Variants in CDC73 observed in about 807,000 individuals in gnomAD.
The protein encoded by CDC73 is parafibromin.
In CDC73, 21 loss-of-function variants were observed where a neutral mutation model predicts 83.7. That is an observed-to-expected ratio of 0.25 (90% CI 0.18 to 0.36). The LOEUF (loss-of-function observed/expected upper bound fraction) is 0.36. Ranked by LOEUF, CDC73 falls within the 10% of genes least tolerant of loss-of-function variation. CDC73 has a pLI of 1.00. For missense variants in CDC73, 342 were observed against 653.3 expected, an observed-to-expected ratio of 0.52 and a Z score of 5.19; for synonymous variants, 224 against 212.9, an observed-to-expected ratio of 1.05 and a Z score of -0.45.
chr1:193,175,159 G>A (rs1676580250), intron 10 of CDC73, among the ~76,000 whole-genome samples: 1 of 152,160 alleles, frequency 6.6e-6, no homozygotes, highest in Non-Finnish European at 1.5e-5. Context: ...AGTACCTTGA[G>A]AAGCCATTGA....
chr1:193,146,730 A>C (rs1463135252), intron 7 of CDC73, among the ~76,000 whole-genome samples: 2 of 152,242 alleles, frequency 1.3e-5, no homozygotes, highest in Admixed American at 1.3e-4. Flanking sequence ...TGAAGGAAGA[A>C]TATTTCATGA....
rs558422699 is a variant in CDC73, at chr1:193,232,585, T to C, written c.1155-408T>C. On this transcript the variant is annotated intron_variant, in intron 13 of 16. Transcript: ENST00000367435. ...AGGTTTATTTAAAAACAAACATCTT[T>C]AGTTTAAAACTAATTAATGTTTAAA... Among the ~76,000 whole-genome samples, 8 of 152,292 alleles carry C rather than the reference T, an allele frequency of 5.3e-5. No individual in the cohort carries two copies. The East Asian group carries it at 1.4e-3, about 26-fold the overall frequency.
In CDC73 at chr1:193,203,996, C is replaced by T. The variant is rs910666069; in HGVS notation, c.1030+144C>T. ...CATGTTTCTTTGAAGACTGTCGATA[C>T]TGTTTAAGCAGATCTCAAAACTGTG... On this transcript the variant is annotated intron_variant, in intron 11 of 16. Coordinates refer to ENST00000367435, the MANE Select transcript of CDC73 (RefSeq NM_024529.5). The T allele has an allele frequency of 1.6e-5, 11 of 700,568 alleles. No homozygotes were observed. The African/African-American group carries it at 1.8e-4, about 11-fold the overall frequency. 43.4% of individuals were successfully genotyped at this position (700,568 alleles called of 1,614,324 possible). A position where few individuals can be genotyped will look rare whatever the true frequency, so the allele number is the denominator to read the frequency against.
intron 10 of CDC73, among the ~76,000 whole-genome samples, chr1:193,171,923 CAG>C (rs1274989018): frequency 3.9e-5 from 6 of 152,028 alleles, no homozygotes; most frequent in African/African-American, 1.4e-4. Flanking sequence ...TAATGTTAAA[CAG>C]AGTTGATTTT....
At chr1:193,140,914 A>AT (rs1254857751) in intron 6 of CDC73, among the ~76,000 whole-genome samples, 1 of 152,212 alleles carries the variant, frequency 6.6e-6, no homozygotes, top group Non-Finnish European at 1.5e-5. Context: ...TGTGCTTTAG[A>AT]TTTTAAGGGA....
chr1:193,181,184 C>T (rs868287010), intron 10 of CDC73: 1 of 1,613,768 alleles, frequency 6.2e-7, no homozygotes, highest in Non-Finnish European at 8.5e-7. Flanking sequence ...TGTCCAGTAC[C>T]TTTTTCATTG....
At chr1:193,156,109 A>G (rs1370042953) in intron 10 of CDC73, among the ~76,000 whole-genome samples, 3 of 152,354 alleles carry the variant, frequency 2.0e-5, no homozygotes, top group Middle Eastern at 3.4e-3. Flanking sequence ...TGTATAGTAA[A>G]TAAGAGGATA....
rs1177977050 is a variant in CDC73, at chr1:193,254,689, T to C, written c.*3977T>C. On this transcript the variant is annotated 3_prime_UTR_variant, in exon 17 of 17. Transcript: ENST00000367435. ...ATGTGTTTTGGGTTTCTGTGTATTA[T>C]TTTAGGTAATCTTTATAAGGGCATC... Among the ~76,000 whole-genome samples the C allele has an allele frequency of 1.3e-5, 2 of 152,184 alleles. No individual in the cohort carries two copies. Among genetic ancestry groups the C allele is most frequent in the Non-Finnish European group, 2.9e-5 (2 of 68,012 alleles).
chr1:193,125,027 A>C (rs1272792763), intron 1 of CDC73, 85 bp from the exon 2 acceptor site: 1 of 768,638 alleles, frequency 1.3e-6, no homozygotes, highest in Non-Finnish European at 2.4e-6. Context: ...CATTGTTGTT[A>C]GCAAAGTTGT....
At chr1:193,123,335 C>T (rs12083074) in intron 1 of CDC73, among the ~76,000 whole-genome samples, 6 of 152,182 alleles carry the variant, frequency 3.9e-5, no homozygotes, top group African/African-American at 1.4e-4. Context: ...TCAAGTGATT[C>T]TCTTGCCTCA....
At chr1:193,149,943 T>C (rs1676076996) in intron 8 of CDC73, among the ~76,000 whole-genome samples, 3 of 152,308 alleles carry the variant, frequency 2.0e-5, no homozygotes, top group Admixed American at 2.0e-4. Context: ...TTTTTTGTTT[T>C]GTTAAAACAA....
intron 5 of CDC73, among the ~76,000 whole-genome samples, chr1:193,137,782 A>G (rs1243534288): frequency 6.6e-6 from 1 of 152,230 alleles, no homozygotes; most frequent in African/African-American, 2.4e-5. Context: ...AAAAAGATGA[A>G]TTTATTTGTT....
rs1269411417 is a variant in CDC73 at position 193,252,008 on chromosome 1, C to G, written c.*1296C>G. On this transcript the variant is annotated 3_prime_UTR_variant, in exon 17 of 17. Transcript: ENST00000367435. ...ATTTTTGGTGAACGTTTAGGCCTTT[C>G]ATAGGTATTAAGCTGACATTATCTA... is the stretch of plus-strand genomic sequence containing the variant. The G allele has an allele frequency of 4.3e-6, 1 of 231,454 alleles. No homozygotes were observed. The highest frequency in any genetic ancestry group is 8.6e-6 in the Non-Finnish European group (1 of 116,944). 14.3% of individuals were successfully genotyped at this position (231,454 alleles called of 1,614,324 possible). A position where few individuals can be genotyped will look rare whatever the true frequency, so the allele number is the denominator to read the frequency against.
At chr1:193,215,495 A>C (rs1422285018) in intron 13 of CDC73, among the ~76,000 whole-genome samples, 1 of 152,212 alleles carries the variant, frequency 6.6e-6, no homozygotes, top group Non-Finnish European at 1.5e-5. Flanking sequence ...ATACCTAACA[A>C]ACATTCAGAT....
intron 13 of CDC73, among the ~76,000 whole-genome samples, chr1:193,229,215 TTTACA>T (rs907656235): frequency 3.0e-4 from 45 of 152,336 alleles, no homozygotes; most frequent in African/African-American, 1.0e-3. Context: ...CTTGGAGGTA[TTTACA>T]TAAGAGAAAT....
chr1:193,236,668 G>T (rs902432958), intron 15 of CDC73: 2 of 351,856 alleles, frequency 5.7e-6, no homozygotes, highest in Admixed American at 8.0e-5. Flanking sequence ...GCTGAGGCAG[G>T]TGGATCACCT....
intron 5 of CDC73, among the ~76,000 whole-genome samples, chr1:193,137,108 A>G (rs909757969): frequency 2.0e-5 from 3 of 152,212 alleles, no homozygotes; most frequent in Admixed American, 6.5e-5. Flanking sequence ...GGAAAGAGAA[A>G]CTGAGGGTAG....
rs368708158 is a variant in CDC73, at chr1:193,142,021, G to A, written c.684G>A (p.Glu228=). The A allele has an allele frequency of 1.2e-5, 19 of 1,613,874 alleles. No homozygotes were observed. In the African/African-American group the frequency reaches 1.9e-4, roughly 16 times the overall value. ...TGACCCGAGATATTGTCAGCAGAGAGAGAGTATGGAGGACACGAACAACTA... is the reference window on the plus strand; with the variant it reads ...TGACCCGAGATATTGTCAGCAGAGAAAGAGTATGGAGGACACGAACAACTA... ...VDVTRDIVSR[E]RVWRTRTTIL... Residue 228 remains glutamate, a synonymous_variant, in exon 7 of 17, where the codon GAG becomes GAA. Coordinates refer to ENST00000367435, the MANE Select transcript of CDC73 (RefSeq NM_024529.5).
chr1:193,214,850 C>T (rs1415712980), intron 13 of CDC73, among the ~76,000 whole-genome samples: 1 of 152,184 alleles, frequency 6.6e-6, no homozygotes, highest in African/African-American at 2.4e-5. Flanking sequence ...AACTATGAGA[C>T]AGATTCAGAT....
Sources: gnomAD v4.1 joint callset for allele counts (sites outside exome capture counted in the v4.1 genomes callset) on GRCh38, gnomAD v4.1.1 for gene constraint, MANE v1.5 for transcripts, NCBI Gene and HGNC (gene_info 2026-07-23, HGNC 2026-07-21) for gene names.